ITPR2: variants seen among roughly 807,000 people sequenced by gnomAD.
The protein encoded by ITPR2 is inositol 1,4,5-trisphosphate-gated calcium channel ITPR2.
ITPR2 carries 207 observed loss-of-function variants against 317.1 expected under a neutral mutation model. That is an observed-to-expected ratio of 0.65 (90% confidence interval 0.58 to 0.73). ITPR2 has a LOEUF of 0.73. Among genes scored for constraint, ITPR2 ranks in the 30% least tolerant of loss-of-function variants. The probability of loss-of-function intolerance (pLI) is 0.00; values close to 1 mark genes in which losing one functional copy is unlikely to be tolerated. For synonymous variants in ITPR2, 1,156 were observed against 1,149.1 expected, an observed-to-expected ratio of 1.01 and a Z score of -0.12; for missense variants, 2,613 against 3,284.0, an observed-to-expected ratio of 0.80 and a Z score of 4.99.
intron 13 of ITPR2, among the ~76,000 whole-genome samples, chr12:26,678,792 G>A (rs1213785255): frequency 1.3e-5 from 2 of 152,196 alleles, no homozygotes; most frequent in Non-Finnish European, 2.9e-5. Context: ...GTCAGTCCTA[G>A]TCCACCACCT....
rs752850810 is a variant in ITPR2 at position 26,337,177 on chromosome 12, T to C, written c.*2220A>G. ...CTACAAAGTGGTTGGGGACATTAGG[T>C]CATTTCTAGAAAGCAATTATATACA... On this transcript the variant is annotated 3_prime_UTR_variant, in exon 57 of 57. Coordinates refer to ENST00000381340, the MANE Select transcript of ITPR2 (RefSeq NM_002223.4). 9 of 152,134 alleles carry C rather than the reference T, an allele frequency of 5.9e-5. No homozygotes were observed. The highest frequency in any genetic ancestry group is 2.2e-4 in the African/African-American group (9 of 41,434). 9.4% of individuals were successfully genotyped at this position (152,134 alleles called of 1,614,324 possible).
chr12:26,786,800 CAA>C (rs1424032964), intron 2 of ITPR2, among the ~76,000 whole-genome samples: 9 of 152,154 alleles, frequency 5.9e-5, no homozygotes, highest in Non-Finnish European at 1.3e-4. Context: ...GTATGAAAAA[CAA>C]AAATCTTTTA....
intron 1 of ITPR2, among the ~76,000 whole-genome samples, chr12:26,790,638 A>T (rs1400498873): frequency 7.1e-6 from 1 of 140,174 alleles, no homozygotes; most frequent in Non-Finnish European, 1.6e-5. Flanking sequence ...TACATATATA[A>T]GGAATGGAAC....
intron 1 of ITPR2, among the ~76,000 whole-genome samples, chr12:26,817,008 T>C (rs1950867852): frequency 6.6e-6 from 1 of 151,106 alleles, no homozygotes; most frequent in Non-Finnish European, 1.5e-5. Context: ...TGAAACCCCA[T>C]CTCTACTAAA....
At chr12:26,362,965 G>T (rs1266654753) in intron 55 of ITPR2, among the ~76,000 whole-genome samples, 4 of 152,140 alleles carry the variant, frequency 2.6e-5, no homozygotes. Flanking sequence ...GAAAAACTAA[G>T]CTACACAGTT....
chr12:26,424,586 G>GGTT (rs1940991251), intron 49 of ITPR2, among the ~76,000 whole-genome samples: 1 of 88,706 alleles, frequency 1.1e-5, no homozygotes, highest in African/African-American at 4.6e-5. Context: ...TTCGTTTTGT[G>GGTT]TTTTTTTTTT....
intron 52 of ITPR2, among the ~76,000 whole-genome samples, chr12:26,404,614 G>A (rs949515719): frequency 2.6e-5 from 4 of 151,734 alleles, no homozygotes; most frequent in Admixed American, 6.6e-5. Context: ...AGAGAGGGTC[G>A]GTCAACTGTT....
In ITPR2 at chr12:26,615,318, A is replaced by G. The variant is rs192138547; in HGVS notation, c.3462+5805T>C. ...TAAAAAATGACCAAATATATTTGAA[A>G]AAACTCAAATTTCAGGTTTGAAAAA... On this transcript the variant is annotated intron_variant, in intron 26 of 56. Transcript: ENST00000381340. Among the ~76,000 whole-genome samples, 826 of 152,324 alleles carry G rather than the reference A, an allele frequency of 5.4e-3. 12 individuals are homozygous for G. The highest frequency in any genetic ancestry group is 0.019 in the African/African-American group (784 of 41,574).
At position 26,339,138 on chromosome 12, in the gene ITPR2, T is replaced by G; in HGVS notation, c.*259A>C. On this transcript the variant is annotated 3_prime_UTR_variant, in exon 57 of 57. Transcript: ENST00000381340. ...TGCCGCTCCCTGCCCTCTCCAGCCT[T>G]TTGGGCAAGCCTTTTCTTCCTGATG... 2.6e-6 allele frequency: 1 copy of G among 384,252 alleles called. No individual in the cohort carries two copies. The highest frequency in any genetic ancestry group is 4.7e-6 in the Non-Finnish European group (1 of 211,424). The allele number at this position is 384,252 out of a possible 1,614,324, so 23.8% of individuals were successfully genotyped here. A position where few individuals can be genotyped will look rare whatever the true frequency, so the allele number is the denominator to read the frequency against.
intron 8 of ITPR2, among the ~76,000 whole-genome samples, chr12:26,714,559 C>T (rs1948704317): frequency 6.6e-6 from 1 of 151,816 alleles, no homozygotes; most frequent in Admixed American, 6.6e-5. Context: ...AATAATATTA[C>T]CTATAAATTT....
intron 37 of ITPR2, among the ~76,000 whole-genome samples, chr12:26,530,011 T>C (rs1943907531): frequency 6.6e-6 from 1 of 152,356 alleles, no homozygotes; most frequent in Non-Finnish European, 1.5e-5. Flanking sequence ...GCAGTTTAAG[T>C]CTACCTCCAA....
At chr12:26,717,277 T>C (rs1948756534) in intron 5 of ITPR2, among the ~76,000 whole-genome samples, 1 of 152,242 alleles carries the variant, frequency 6.6e-6, no homozygotes, top group South Asian at 2.1e-4. Flanking sequence ...CTCCATGTAG[T>C]GTATCTTAAT....
At chr12:26,462,180 T>TTTTGTTTTGTTTTGC (rs1942053119) in intron 45 of ITPR2, among the ~76,000 whole-genome samples, 1 of 152,122 alleles carries the variant, frequency 6.6e-6, no homozygotes, top group Non-Finnish European at 1.5e-5. Flanking sequence ...TTTTGTTTTG[T>TTTTGTTTTGTTTTGC]TTTTGAGACA....
intron 37 of ITPR2, among the ~76,000 whole-genome samples, chr12:26,531,985 T>G (rs984052190): frequency 6.6e-6 from 1 of 152,232 alleles, no homozygotes; most frequent in African/African-American, 2.4e-5. Context: ...TGTCTTAAAA[T>G]ATCAGAAAAG....
At position 26,540,509 on chromosome 12, in the gene ITPR2, A is replaced by G. The variant is rs148471754; in HGVS notation, c.5073+9738T>C. Among the ~76,000 whole-genome samples, 149 of 152,226 alleles carry G rather than the reference A, an allele frequency of 9.8e-4. 1 individual carries two copies. The highest frequency in any genetic ancestry group is 3.4e-3 in the African/African-American group (140 of 41,532). ...ATCACAATGCCATTTTTCACCTACA[A>G]TCATTAGCTACCAAATGTCCTATAC... On this transcript the variant is annotated intron_variant, in intron 37 of 56. Coordinates refer to ENST00000381340, the MANE Select transcript of ITPR2 (RefSeq NM_002223.4).
intron 24 of ITPR2, chr12:26,623,447 G>T (rs1184378295): frequency 6.6e-6 from 1 of 152,182 alleles, no homozygotes; most frequent in Non-Finnish European, 1.5e-5. Flanking sequence ...TGCAAGAGTG[G>T]TGATGCTGGC....
At position 26,814,086 on chromosome 12, in the gene ITPR2, T is replaced by C. The variant is rs149097464; in HGVS notation, c.92+18604A>G. Among the ~76,000 whole-genome samples, 1,137 of 152,300 alleles carry C rather than the reference T, an allele frequency of 7.5e-3. 18 individuals carry two copies. Among genetic ancestry groups the C allele is most frequent in the African/African-American group, 0.026 (1,087 of 41,566 alleles). ...CCAGCCATTGCAACAGTAATAACCATAGTGTTTTTTTCTGGAGTTTAGGGG... is the reference window on the plus strand; with the variant it reads ...CCAGCCATTGCAACAGTAATAACCACAGTGTTTTTTTCTGGAGTTTAGGGG... On this transcript the variant is annotated intron_variant, in intron 1 of 56. Transcript: ENST00000381340.
At chr12:26,554,694 C>A (rs1048683239) in intron 36 of ITPR2, among the ~76,000 whole-genome samples, 3 of 151,974 alleles carry the variant, frequency 2.0e-5, no homozygotes, top group African/African-American at 7.3e-5. Context: ...GGTTTATCGC[C>A]TAACTTTTAA....
chr12:26,560,540 C>T (rs1277501267), intron 35 of ITPR2, among the ~76,000 whole-genome samples: 3 of 152,162 alleles, frequency 2.0e-5, no homozygotes, highest in Non-Finnish European at 2.9e-5. Flanking sequence ...CATGCCCTGT[C>T]TCTACTTCCA....
Sources: gnomAD v4.1 joint callset for allele counts (sites outside exome capture counted in the v4.1 genomes callset) on GRCh38, gnomAD v4.1.1 for gene constraint, MANE v1.5 for transcripts, NCBI Gene and HGNC (gene_info 2026-07-23, HGNC 2026-07-21) for gene names.